Variants in SORCS1 observed in about 807,000 individuals in gnomAD.
The protein encoded by SORCS1 is sortilin related VPS10 domain containing receptor 1.
SORCS1 carries 60 observed loss-of-function variants against 146.1 expected under a neutral mutation model. The ratio of observed to expected loss-of-function variants is 0.41; its 90% CI spans 0.33 to 0.51. SORCS1 has a LOEUF of 0.51. Ranked by LOEUF, SORCS1 falls within the 20% of genes least tolerant of loss-of-function variation. SORCS1 has a pLI of 0.21. For missense variants in SORCS1, 1,352 were observed against 1,487.6 expected, an observed-to-expected ratio of 0.91 and a Z score of 1.50; for synonymous variants, 637 against 584.0, an observed-to-expected ratio of 1.09 and a Z score of -1.31.
chr10:106,709,211 G>A lies in SORCS1; in HGVS notation c.1143+12C>T, dbSNP rs202093466. On this transcript the variant is annotated intron_variant, in intron 7 of 25. Coordinates refer to ENST00000263054, the MANE Select transcript of SORCS1 (RefSeq NM_052918.5). ...GTTTCTGAGACAATCAACAGAAGTG[G>A]ATTTTTCCTACCTGAACAAACACAT... 6.3e-7 allele frequency: 1 copy of A among 1,596,716 alleles called. No homozygotes were observed. Among genetic ancestry groups the A allele is most frequent in the Non-Finnish European group, 8.6e-7 (1 of 1,165,456 alleles).
In SORCS1 at chr10:106,748,688, C is replaced by A. The variant is rs139547301; in HGVS notation, c.959+12900G>T. 3.3e-3 allele frequency among the ~76,000 whole-genome samples: 509 copies of A among 152,256 alleles called. 13 individuals are homozygous for A. Among genetic ancestry groups the A allele is most frequent in the East Asian group, 2.3e-3 (12 of 5,174 alleles). ...TTAGACTTTATGATAACATTACATG[C>A]CACCAACTGTTCTAGGCACTTTGCT... On this transcript the variant is annotated intron_variant, in intron 5 of 25. Transcript: ENST00000263054.
At chr10:106,633,294 C>A (rs1301681546) in intron 18 of SORCS1, among the ~76,000 whole-genome samples, 1 of 151,994 alleles carries the variant, frequency 6.6e-6, no homozygotes, top group African/African-American at 2.4e-5. Context: ...AACCTTGAAT[C>A]TTTTTTATTT....
At chr10:106,905,724 T>A (rs1951882019) in intron 2 of SORCS1, among the ~76,000 whole-genome samples, 1 of 152,206 alleles carries the variant, frequency 6.6e-6, no homozygotes, top group African/African-American at 2.4e-5. Context: ...GAGTCTCACC[T>A]TCTCCCTCAA....
At chr10:106,680,947 A>G (rs1852392841) in intron 10 of SORCS1, among the ~76,000 whole-genome samples, 1 of 152,250 alleles carries the variant, frequency 6.6e-6, no homozygotes, top group Admixed American at 6.5e-5. Context: ...GAAATAAAAC[A>G]GCAGATCACA....
At chr10:106,850,246 G>T (rs537048534) in intron 2 of SORCS1, among the ~76,000 whole-genome samples, 1 of 151,962 alleles carries the variant, frequency 6.6e-6, no homozygotes, top group South Asian at 2.1e-4. Context: ...AGACTCCGTG[G>T]GTGGAGGACC....
intron 2 of SORCS1, among the ~76,000 whole-genome samples, chr10:106,832,546 C>G (rs1388586090): frequency 3.3e-5 from 5 of 152,038 alleles, no homozygotes; most frequent in Non-Finnish European, 7.4e-5. Flanking sequence ...CCTCCTGAGT[C>G]AACATTCTCT....
chr10:106,789,362 GTT>G (rs1396253107), intron 3 of SORCS1, among the ~76,000 whole-genome samples: 1 of 152,136 alleles, frequency 6.6e-6, no homozygotes, highest in East Asian at 1.9e-4. Context: ...CAGAAAATGG[GTT>G]TTTCTTTTCT....
chr10:106,579,102 G>A (rs543645503), intron 25 of SORCS1: 1 of 1,613,952 alleles, frequency 6.2e-7, no homozygotes, highest in Non-Finnish European at 8.5e-7. Context: ...TATGAGCTGG[G>A]ATTCCACCTT....
intron 2 of SORCS1, among the ~76,000 whole-genome samples, chr10:106,935,752 T>C (rs928433977): frequency 1.3e-5 from 2 of 152,200 alleles, no homozygotes; most frequent in African/African-American, 4.8e-5. Context: ...GTGCTAAGTT[T>C]AGAACACAGG....
At chr10:106,953,423 T>C (rs1049536938) in intron 2 of SORCS1, among the ~76,000 whole-genome samples, 1 of 152,160 alleles carries the variant, frequency 6.6e-6, no homozygotes, top group Non-Finnish European at 1.5e-5. Flanking sequence ...GTATTGGTGA[T>C]AGTGTTGTGT....
the SORCS1 span, among the ~76,000 whole-genome samples, chr10:107,174,061 A>G: frequency 1.3e-5 from 2 of 152,228 alleles, no homozygotes; most frequent in Admixed American, 6.5e-5. Context: ...TTGTATGTAT[A>G]GATCAATCAG....
chr10:107,097,416 A>G (rs1403703548), intron 1 of SORCS1, among the ~76,000 whole-genome samples: 1 of 152,158 alleles, frequency 6.6e-6, no homozygotes, highest in Non-Finnish European at 1.5e-5. Context: ...GTTCTTTCCT[A>G]CTTTCCATGT....
At chr10:106,971,746 AG>A (rs1219750593) in intron 1 of SORCS1, among the ~76,000 whole-genome samples, 2 of 152,216 alleles carry the variant, frequency 1.3e-5, no homozygotes, top group Non-Finnish European at 2.9e-5. Context: ...AAGGTTGGCC[AG>A]GACACTGCAG....
chr10:106,828,005 A>C (rs1338463447), intron 3 of SORCS1, among the ~76,000 whole-genome samples: 1 of 152,240 alleles, frequency 6.6e-6, no homozygotes, highest in Non-Finnish European at 1.5e-5. Context: ...AAGAAAAAAG[A>C]ATGAAGAGAA....
chr10:106,855,898 T>G (rs1305096937), intron 2 of SORCS1, among the ~76,000 whole-genome samples: 2 of 152,180 alleles, frequency 1.3e-5, no homozygotes, highest in African/African-American at 4.8e-5. Flanking sequence ...TGTTTAATCT[T>G]TAGAAACTGG....
the SORCS1 span, among the ~76,000 whole-genome samples, chr10:107,172,601 A>T: frequency 6.6e-6 from 1 of 152,220 alleles, no homozygotes; most frequent in African/African-American, 2.4e-5. Flanking sequence ...TGTGTCATCT[A>T]TCTCTTAACC....
intron 2 of SORCS1, among the ~76,000 whole-genome samples, chr10:106,840,878 A>G (rs1264149896): frequency 7.6e-6 from 1 of 131,424 alleles, no homozygotes; most frequent in Non-Finnish European, 1.6e-5. Flanking sequence ...TTTTTTTTGG[A>G]TGGAGTCTTG....
rs956457694 is a variant in SORCS1, at chr10:106,578,764, C to T, written c.3371+605G>A. On this transcript the variant is annotated intron_variant, in intron 25 of 25. Transcript: ENST00000263054. Reference sequence around the variant, plus strand: ...GTCCACCAGCCTTAGCCTCTGAGGCCTCTCCTTCTTATATACTATTAAAGC... The same window carrying T: ...GTCCACCAGCCTTAGCCTCTGAGGCTTCTCCTTCTTATATACTATTAAAGC... 7.9e-6 allele frequency: 9 copies of T among 1,133,062 alleles called. No individual in the cohort carries two copies. In the South Asian group the frequency reaches 1.2e-4, roughly 15 times the overall value. The allele number at this position is 1,133,062 out of a possible 1,614,324, so 70.2% of individuals were successfully genotyped here.
At chr10:106,799,175 A>C (rs1946740824) in intron 3 of SORCS1, among the ~76,000 whole-genome samples, 1 of 152,248 alleles carries the variant, frequency 6.6e-6, no homozygotes, top group Admixed American at 6.5e-5. Flanking sequence ...CTGGCTAGCC[A>C]TATGTAGAAA....
Sources: allele counts gnomAD v4.1 joint callset (sites outside exome capture counted in the v4.1 genomes callset), GRCh38; gene constraint gnomAD v4.1.1; transcripts MANE v1.5; gene names NCBI Gene and HGNC (gene_info 2026-07-23, HGNC 2026-07-21).